The following ARIH1 variants were observed in gnomAD, a reference collection of about 807,000 sequenced individuals.
ARIH1 encodes E3 ubiquitin-protein ligase ARIH1.
Under a neutral mutation model 85.0 loss-of-function variants are expected in ARIH1, and 8 were observed. The ratio of observed to expected loss-of-function variants is 0.09; its 90% CI spans 0.06 to 0.17. ARIH1 has a LOEUF of 0.17. ARIH1 is among the 10% of genes least tolerant of loss of function. The pLI is 1.00. For missense variants in ARIH1, 311 were observed against 718.1 expected, an observed-to-expected ratio of 0.43 and a Z score of 6.48; for synonymous variants, 238 against 253.6, an observed-to-expected ratio of 0.94 and a Z score of 0.59.
At chr15:72,482,721 T>G (rs2063821112) in intron 1 of ARIH1, among the ~76,000 whole-genome samples, 2 of 152,106 alleles carry the variant, frequency 1.3e-5, no homozygotes, top group African/African-American at 4.8e-5. Flanking sequence ...CAAGGATCTG[T>G]TATATCATAG....
At chr15:72,544,703 T>G in intron 2 of ARIH1, 117 bp from the exon 3 acceptor site, 1 of 924,328 alleles carries the variant, frequency 1.1e-6, no homozygotes, top group Non-Finnish European at 1.6e-6. Context: ...AAAAGGTTGT[T>G]ATCTTGTTTT....
At chr15:72,583,135 A>G in intron 13 of ARIH1, 73 bp from the exon 14 acceptor site, 1 of 1,261,694 alleles carries the variant, frequency 7.9e-7, no homozygotes, top group East Asian at 2.3e-5. Context: ...GATGCCTTAA[A>G]AATAAGTAAA....
rs2064352036 is a variant in ARIH1 at position 72,593,756 on chromosome 15, A to G, written c.*10464A>G. ...AATTAGTAAATCCTTCCTTTTTGTT[A>G]TTTTTCAAGATCGCTTTGGTTATTG... On this transcript the variant is annotated 3_prime_UTR_variant, in exon 14 of 14. Coordinates refer to ENST00000379887, the MANE Select transcript of ARIH1 (RefSeq NM_005744.5). 6.6e-6 allele frequency: 1 copy of G among 151,744 alleles called. No individual in the cohort carries two copies. Among genetic ancestry groups the G allele is most frequent in the African/African-American group, 2.4e-5 (1 of 41,326 alleles). 9.4% of individuals were successfully genotyped at this position (151,744 alleles called of 1,614,324 possible).
Position 72,591,468 on chromosome 15 carries a change from G to C in ARIH1, c.*8176G>C, listed in dbSNP as rs563961814. Reference sequence around the variant, plus strand: ...TTATGCAGTGAGGCTCTAGCTCTCTGGAGTCAGTTGGTCAAGTGGGATTCC... The same window carrying C: ...TTATGCAGTGAGGCTCTAGCTCTCTCGAGTCAGTTGGTCAAGTGGGATTCC... On this transcript the variant is annotated 3_prime_UTR_variant, in exon 14 of 14. Transcript: ENST00000379887. 10 of 152,290 alleles carry C rather than the reference G, an allele frequency of 6.6e-5. No individual in the cohort carries two copies. The East Asian group carries it at 9.7e-4, about 15-fold the overall frequency. The allele number at this position is 152,290 out of a possible 1,614,324, so 9.4% of individuals were successfully genotyped here.
chr15:72,493,308 A>T (rs765001155), intron 1 of ARIH1, among the ~76,000 whole-genome samples: 21 of 152,094 alleles, frequency 1.4e-4, no homozygotes, highest in Non-Finnish European at 2.4e-4. Flanking sequence ...GCTGCTGCTT[A>T]TTCTGGGTTT....
At chr15:72,511,208 A>G (rs1191356217) in intron 1 of ARIH1, among the ~76,000 whole-genome samples, 1 of 152,132 alleles carries the variant, frequency 6.6e-6, no homozygotes, top group Non-Finnish European at 1.5e-5. Context: ...ATACCTATGT[A>G]TTTCACGTTT....
At chr15:72,559,379 C>T (rs1393214456) in intron 5 of ARIH1, among the ~76,000 whole-genome samples, 2 of 152,034 alleles carry the variant, frequency 1.3e-5, no homozygotes, top group Non-Finnish European at 2.9e-5. Context: ...AAGTGATTCT[C>T]CTGCCTCAGC....
At chr15:72,545,747 T>G (rs2064126050) in intron 3 of ARIH1, among the ~76,000 whole-genome samples, 1 of 152,244 alleles carries the variant, frequency 6.6e-6, no homozygotes, top group Non-Finnish European at 1.5e-5. Flanking sequence ...GAGAATTGCT[T>G]GAGCCTGGAA....
At chr15:72,525,115 T>C (rs969797885) in intron 2 of ARIH1, among the ~76,000 whole-genome samples, 1 of 152,198 alleles carries the variant, frequency 6.6e-6, no homozygotes, top group African/African-American at 2.4e-5. Flanking sequence ...GGTCTCGAAC[T>C]CCTGAACTCA....
At chr15:72,558,667 G>T (rs996107591) in intron 5 of ARIH1, among the ~76,000 whole-genome samples, 5 of 152,240 alleles carry the variant, frequency 3.3e-5, no homozygotes, top group Non-Finnish European at 7.3e-5. Flanking sequence ...TTAATGACCA[G>T]AGTGACACTT....
At chr15:72,529,306 G>T (rs2064045091) in intron 2 of ARIH1, among the ~76,000 whole-genome samples, 1 of 152,216 alleles carries the variant, frequency 6.6e-6, no homozygotes, top group South Asian at 2.1e-4. Context: ...GCAGTGGCGT[G>T]ATCACAGCTG....
chr15:72,576,198 C>T (rs570343913), intron 11 of ARIH1, among the ~76,000 whole-genome samples: 2 of 151,982 alleles, frequency 1.3e-5, no homozygotes, highest in Non-Finnish European at 2.9e-5. Context: ...AAAGAACATA[C>T]GTGTGTTAGG....
chr15:72,526,921 G>GTTTGTAT (rs1190099271), intron 2 of ARIH1, among the ~76,000 whole-genome samples: 3 of 135,634 alleles, frequency 2.2e-5, no homozygotes, highest in African/African-American at 8.0e-5. Flanking sequence ...AAACTAAATA[G>GTTTGTAT]AATTTTCTAT....
chr15:72,538,833 T>C (rs1157154808), intron 2 of ARIH1, among the ~76,000 whole-genome samples: 1 of 152,236 alleles, frequency 6.6e-6, no homozygotes, highest in African/African-American at 2.4e-5. Flanking sequence ...GAATTTACAA[T>C]CTACTGAGAA....
chr15:72,551,863 AC>A (rs1595867866), intron 3 of ARIH1, among the ~76,000 whole-genome samples: 1 of 152,318 alleles, frequency 6.6e-6, no homozygotes, highest in East Asian at 1.9e-4. Flanking sequence ...ACAGTGTAAA[AC>A]CTTTTTTGAA....
intron 10 of ARIH1, among the ~76,000 whole-genome samples, chr15:72,570,847 G>A (rs1393158045): frequency 6.6e-6 from 1 of 151,942 alleles, no homozygotes; most frequent in Non-Finnish European, 1.5e-5. Flanking sequence ...AAGAATCTTG[G>A]GCCAGGCACG....
chr15:72,507,076 G>T (rs1304212208), intron 1 of ARIH1, among the ~76,000 whole-genome samples: 1 of 152,128 alleles, frequency 6.6e-6, no homozygotes, highest in African/African-American at 2.4e-5. Flanking sequence ...AGGCTGGAGT[G>T]CAGTGGCATG....
chr15:72,488,342 G>A (rs954404350), intron 1 of ARIH1, among the ~76,000 whole-genome samples: 2 of 152,070 alleles, frequency 1.3e-5, no homozygotes, highest in Admixed American at 6.6e-5. Context: ...CTCCCAAAGT[G>A]TTGGGATTAC....
chr15:72,570,948 G>A, intron 10 of ARIH1, among the ~76,000 whole-genome samples: 1 of 151,858 alleles, frequency 6.6e-6, no homozygotes, highest in Non-Finnish European at 1.5e-5. Context: ...TGACCAACAT[G>A]GAGAAACCCC....
Sources: gnomAD v4.1 joint callset for allele counts (sites outside exome capture counted in the v4.1 genomes callset) on GRCh38, gnomAD v4.1.1 for gene constraint, MANE v1.5 for transcripts, NCBI Gene and HGNC (gene_info 2026-07-23, HGNC 2026-07-21) for gene names.